TAMM41: variants seen among roughly 807,000 people sequenced by gnomAD.
TAMM41 encodes TAM41 mitochondrial translocator assembly and maintenance homolog.
A neutral mutation model predicts 44.1 loss-of-function variants in TAMM41; 36 were observed. That is an observed-to-expected ratio of 0.82 (90% confidence interval 0.63 to 1.08). TAMM41 has a LOEUF of 1.08. Among genes scored for constraint, TAMM41 ranks in the 50% least tolerant of loss-of-function variants. The pLI is 0.00. For missense variants in TAMM41, 417 were observed against 404.3 expected, an observed-to-expected ratio of 1.03 and a Z score of -0.27; for synonymous variants, 164 against 153.1, an observed-to-expected ratio of 1.07 and a Z score of -0.53.
chr3:11,842,002 G>C (rs1478488613), intron 2 of TAMM41, among the ~76,000 whole-genome samples: 2 of 152,150 alleles, frequency 1.3e-5, no homozygotes, highest in African/African-American at 4.8e-5. Flanking sequence ...TCACTCCTTA[G>C]CCAAGTTCAG....
chr3:11,739,052 G>A, the TAMM41 span, among the ~76,000 whole-genome samples: 1 of 152,174 alleles, frequency 6.6e-6, no homozygotes, highest in Non-Finnish European at 1.5e-5. Flanking sequence ...TCTCCAACAT[G>A]ACAAGCCCTT....
intron 1 of TAMM41, chr3:11,845,145 G>A (rs1470225416): frequency 1.7e-5 from 6 of 356,110 alleles, no homozygotes; most frequent in South Asian, 1.2e-4. Context: ...AGAGAGGGAG[G>A]CTGTTTGCCA....
At chr3:11,777,475 C>T in the TAMM41 span, among the ~76,000 whole-genome samples, 1 of 152,124 alleles carries the variant, frequency 6.6e-6, no homozygotes, top group Non-Finnish European at 1.5e-5. Flanking sequence ...AATTTACATA[C>T]CATAGAATTC....
intron 5 of TAMM41, 105 bp downstream of exon 5, chr3:11,817,087 A>C: frequency 8.1e-7 from 1 of 1,237,620 alleles, no homozygotes; most frequent in Non-Finnish European, 1.1e-6. Context: ...TACTTTTTAA[A>C]CTATAAATGT....
chr3:11,823,904 C>T (rs1322074558), intron 4 of TAMM41, among the ~76,000 whole-genome samples: 1 of 150,246 alleles, frequency 6.7e-6, no homozygotes, highest in Non-Finnish European at 1.5e-5. Context: ...CGGCTCACTG[C>T]AACCTCCGAA....
chr3:11,746,329 A>G, the TAMM41 span, among the ~76,000 whole-genome samples: 1 of 151,568 alleles, frequency 6.6e-6, no homozygotes, highest in Non-Finnish European at 1.5e-5. Flanking sequence ...AAATTTAAAC[A>G]TGCACTTACC....
At chr3:11,797,210 A>G (rs1028418690) in intron 7 of TAMM41, among the ~76,000 whole-genome samples, 2 of 152,246 alleles carry the variant, frequency 1.3e-5, no homozygotes, top group African/African-American at 4.8e-5. Flanking sequence ...CAAAAAGAAC[A>G]AAGCTGGAGG....
downstream of TAMM41, among the ~76,000 whole-genome samples, chr3:11,786,125 C>G (rs1469885689): frequency 6.6e-6 from 1 of 151,960 alleles, no homozygotes; most frequent in Non-Finnish European, 1.5e-5. Context: ...CTTGTAGGTT[C>G]CAATACAGGG....
chr3:11,824,956 C>T (rs550955168), intron 4 of TAMM41, among the ~76,000 whole-genome samples: 1 of 152,150 alleles, frequency 6.6e-6, no homozygotes, highest in East Asian at 1.9e-4. Flanking sequence ...AGAACTGAGG[C>T]CCACTGGGGT....
the TAMM41 span, among the ~76,000 whole-genome samples, chr3:11,734,651 T>G: frequency 1.3e-4 from 20 of 152,196 alleles, no homozygotes; most frequent in Admixed American, 2.6e-4. Flanking sequence ...TACTATGTGC[T>G]GGGCACTCAT....
chr3:11,736,920 C>T, the TAMM41 span, among the ~76,000 whole-genome samples: 1 of 152,074 alleles, frequency 6.6e-6, no homozygotes, highest in Non-Finnish European at 1.5e-5. Context: ...ATGCACCTGC[C>T]CAGGACCAGA....
intron 4 of TAMM41, among the ~76,000 whole-genome samples, chr3:11,823,136 T>C (rs1015774251): frequency 6.6e-6 from 1 of 152,240 alleles, no homozygotes; most frequent in Non-Finnish European, 1.5e-5. Context: ...CCTATGATGT[T>C]TAACAACTTT....
the TAMM41 span, among the ~76,000 whole-genome samples, chr3:11,765,671 TTA>T: frequency 0.014 from 2,109 of 152,028 alleles, 37 homozygotes; most frequent in African/African-American, 0.048. Context: ...AATGATGTTA[TTA>T]TGATTATCTT....
At chr3:11,796,928 A>G (rs2077620078) in intron 7 of TAMM41, among the ~76,000 whole-genome samples, 2 of 152,188 alleles carry the variant, frequency 1.3e-5, no homozygotes, top group African/African-American at 4.8e-5. Context: ...AAAAAGGAAT[A>G]CATCTAACCA....
the TAMM41 span, among the ~76,000 whole-genome samples, chr3:11,726,131 A>G: frequency 1.3e-5 from 2 of 152,192 alleles, no homozygotes; most frequent in Non-Finnish European, 2.9e-5. Context: ...TGTTCCCCTC[A>G]TTGCACTAAC....
At chr3:11,819,208 A>G (rs571104823) in intron 4 of TAMM41, among the ~76,000 whole-genome samples, 1 of 152,338 alleles carries the variant, frequency 6.6e-6, no homozygotes, top group African/African-American at 2.4e-5. Flanking sequence ...GCTTAAAGAA[A>G]TAAGCCAGAA....
chr3:11,778,786 G>GT, the TAMM41 span, among the ~76,000 whole-genome samples: 1 of 151,982 alleles, frequency 6.6e-6, no homozygotes, highest in African/African-American at 2.4e-5. Flanking sequence ...GGCCATTCGT[G>GT]TATCTTTTTT....
the TAMM41 span, among the ~76,000 whole-genome samples, chr3:11,769,655 A>G: frequency 6.6e-6 from 1 of 152,240 alleles, no homozygotes; most frequent in African/African-American, 2.4e-5. Flanking sequence ...ACCATCATTT[A>G]CCAACTCCTA....
the TAMM41 span, among the ~76,000 whole-genome samples, chr3:11,735,423 C>T: frequency 1.3e-5 from 2 of 151,800 alleles, no homozygotes; most frequent in Non-Finnish European, 2.9e-5. Context: ...CACTTGAGCT[C>T]AGGAGTTTGA....
Sources: allele counts gnomAD v4.1 joint callset (sites outside exome capture counted in the v4.1 genomes callset), GRCh38; gene constraint gnomAD v4.1.1; transcripts MANE v1.5; gene names NCBI Gene and HGNC (gene_info 2026-07-23, HGNC 2026-07-21).